Variants in ANP32B observed in about 807,000 individuals in gnomAD.
ANP32B encodes acidic nuclear phosphoprotein 32 family member B.
Under a neutral mutation model 32.2 loss-of-function variants are expected in ANP32B, and 6 were observed. The ratio of observed to expected loss-of-function variants is 0.19; its 90% confidence interval spans 0.10 to 0.37. ANP32B has a LOEUF of 0.37. Among genes scored for constraint, ANP32B ranks in the 10% least tolerant of loss-of-function variants. The pLI is 1.00. For missense variants in ANP32B, 204 were observed against 289.2 expected (o/e 0.71, Z 2.14); for synonymous variants, 98 against 105.8 (o/e 0.93, Z 0.45).
chr9:98,011,007 T>C (rs1033146289), intron 4 of ANP32B, among the ~76,000 whole-genome samples: 3 of 152,204 alleles, frequency 2.0e-5, no homozygotes, highest in Non-Finnish European at 4.4e-5. Context: ...CCACTCCATA[T>C]AATTTTGAAG....
rs368610589 is a variant in ANP32B at position 98,015,661 on chromosome 9, G to A, written c.*230G>A. 49 of 1,211,248 alleles carry A rather than the reference G, an allele frequency of 4.0e-5. No individual in the cohort carries two copies. The highest frequency in any genetic ancestry group is 1.2e-4 in the Admixed American group (3 of 25,572). The allele number at this position is 1,211,248 out of a possible 1,614,324, so 75.0% of individuals were successfully genotyped here. A position where few individuals can be genotyped will look rare whatever the true frequency, so the allele number is the denominator to read the frequency against. ...ACTTCACCCCAACAAAATTGTAAGC[G>A]TTGTTAGGTTTTTGTGTAAGATTCT... On this transcript the variant is annotated 3_prime_UTR_variant, in exon 7 of 7. Transcript: ENST00000339399.
At chr9:98,008,223 G>A (rs117447238) in intron 4 of ANP32B, among the ~76,000 whole-genome samples, 12 of 152,162 alleles carry the variant, frequency 7.9e-5, no homozygotes, top group South Asian at 2.1e-4. Context: ...GAGAACATAC[G>A]ATACTTAGTT....
In ANP32B at chr9:97,999,000, G is replaced by A. The variant is rs899596082; in HGVS notation, c.327+322G>A. Among the ~76,000 whole-genome samples the A allele has an allele frequency of 2.1e-4, 16 of 75,772 alleles. 5 individuals carry two copies. The highest frequency in any genetic ancestry group is 1.6e-3 in the Admixed American group (14 of 8,936). The allele number at this position is 75,772 out of a possible 152,430, so 49.7% of individuals were successfully genotyped here. On this transcript the variant is annotated intron_variant, in intron 3 of 6. Coordinates refer to ENST00000339399, the MANE Select transcript of ANP32B (RefSeq NM_006401.3). ...TTTTTTGTATTTTTAGTAGAGACGG[G>A]GTTTCACCTTGTTAGCCAGGATGGT...
In ANP32B at chr9:97,994,547, G is replaced by T. The variant is rs986087086; in HGVS notation, c.55-84G>T. 1.8e-5 allele frequency: 26 copies of T among 1,421,398 alleles called. No homozygotes were observed. The African/African-American group carries it at 3.5e-4, about 19-fold the overall frequency. The allele number at this position is 1,421,398 out of a possible 1,614,324, so 88.0% of individuals were successfully genotyped here. ...CCTGTATATATGGGTGTTTTTGCAG[G>T]ATATTTATGGTAGAAGTTTCTGCAT... On this transcript the variant is annotated intron_variant, in intron 1 of 6. Coordinates refer to ENST00000339399, the MANE Select transcript of ANP32B (RefSeq NM_006401.3).
chr9:98,015,262 A>T, intron 6 of ANP32B, 102 bp from the exon 7 acceptor site: 2 of 1,489,284 alleles, frequency 1.3e-6, no homozygotes, highest in Non-Finnish European at 1.8e-6. Context: ...ACATTGTTTT[A>T]TCTCCTAACT....
intron 2 of ANP32B, among the ~76,000 whole-genome samples, chr9:97,995,469 TTATTTAAAC>T (rs1200120959): frequency 1.3e-5 from 2 of 152,202 alleles, no homozygotes; most frequent in African/African-American, 4.8e-5. Flanking sequence ...AGTTGTACCT[TTATTTAAAC>T]TAAGGCACAC....
At chr9:97,985,168 C>G (rs1827696041) in intron 1 of ANP32B, among the ~76,000 whole-genome samples, 2 of 151,984 alleles carry the variant, frequency 1.3e-5, no homozygotes, top group African/African-American at 4.8e-5. Flanking sequence ...CGGGGCCTCC[C>G]GACCCGCTCT....
intron 1 of ANP32B, among the ~76,000 whole-genome samples, chr9:97,986,085 T>C (rs1297238663): frequency 6.6e-6 from 1 of 151,922 alleles, no homozygotes; most frequent in South Asian, 2.1e-4. Context: ...CCTCCCAAAG[T>C]GCTGGGATTA....
At chr9:98,015,283 T>G (rs1020703597) in intron 6 of ANP32B, 81 bp from the exon 7 acceptor site, 1 of 1,523,836 alleles carries the variant, frequency 6.6e-7, no homozygotes, top group South Asian at 1.2e-5. Context: ...GTCAAAAACT[T>G]TGTTGTTGTT....
chr9:97,996,061 G>A (rs1364393137), intron 2 of ANP32B, among the ~76,000 whole-genome samples: 4 of 151,846 alleles, frequency 2.6e-5, no homozygotes, highest in East Asian at 3.8e-4. Flanking sequence ...TCAGGTGACC[G>A]TTTCTGATGA....
intron 5 of ANP32B, 55 bp downstream of exon 5, chr9:98,011,444 G>A (rs1828184310): frequency 1.3e-6 from 2 of 1,537,340 alleles, no homozygotes; most frequent in Non-Finnish European, 1.8e-6. Flanking sequence ...ACAAAAGTGG[G>A]GGTTTCAAAA....
At chr9:98,002,520 T>C (rs960957134) in intron 3 of ANP32B, 1 of 152,242 alleles carries the variant, frequency 6.6e-6, no homozygotes, top group African/African-American at 2.4e-5. Context: ...GGATCCTGAA[T>C]AATCTGTGTG....
intron 4 of ANP32B, among the ~76,000 whole-genome samples, chr9:98,007,133 A>G (rs898878803): frequency 5.3e-5 from 8 of 152,232 alleles, no homozygotes; most frequent in Admixed American, 2.6e-4. Context: ...CCACTTCATC[A>G]AATGTGACTG....
At chr9:98,002,852 C>T (rs1828016085) in intron 3 of ANP32B, among the ~76,000 whole-genome samples, 1 of 152,132 alleles carries the variant, frequency 6.6e-6, no homozygotes, top group Non-Finnish European at 1.5e-5. Context: ...TTTTTGTGCA[C>T]CTATTTCTAG....
rs1196277859 is a variant in ANP32B, at chr9:98,015,834, G to C, written c.*403G>C. ...TTTTGGGTCTGTTTTTTCATGCTTT[G>C]CTTTTTAATTATTATTATTATTTTT... On this transcript the variant is annotated 3_prime_UTR_variant, in exon 7 of 7. Coordinates refer to ENST00000339399, the MANE Select transcript of ANP32B (RefSeq NM_006401.3). 2.1e-6 allele frequency: 2 copies of C among 971,398 alleles called. No individual in the cohort carries two copies. The highest frequency in any genetic ancestry group is 3.6e-5 in the African/African-American group (2 of 55,774). The allele number at this position is 971,398 out of a possible 1,614,324, so 60.2% of individuals were successfully genotyped here. A position where few individuals can be genotyped will look rare whatever the true frequency, so the allele number is the denominator to read the frequency against.
chr9:98,013,656 T>C (rs1339434466), intron 6 of ANP32B, among the ~76,000 whole-genome samples: 1 of 152,016 alleles, frequency 6.6e-6, no homozygotes, highest in Non-Finnish European at 1.5e-5. Flanking sequence ...CTCAGCACTT[T>C]AGGAGGCCGA....
At chr9:98,004,547 C>T (rs2131588860) in intron 3 of ANP32B, among the ~76,000 whole-genome samples, 1 of 152,236 alleles carries the variant, frequency 6.6e-6, no homozygotes, top group East Asian at 1.9e-4. Context: ...TGAATTTTTC[C>T]CTATACTGCC....
chr9:97,992,458 A>G (rs1029725705), intron 1 of ANP32B, among the ~76,000 whole-genome samples: 1 of 152,240 alleles, frequency 6.6e-6, no homozygotes, highest in African/African-American at 2.4e-5. Flanking sequence ...CAGTGGTTCA[A>G]GTGGAATTTT....
intron 2 of ANP32B, among the ~76,000 whole-genome samples, chr9:97,997,888 CT>C (rs1827930904): frequency 6.6e-6 from 1 of 152,194 alleles, no homozygotes; most frequent in South Asian, 2.1e-4. Context: ...CTTGCCTGTG[CT>C]ACTTGACCTG....
Sources: allele counts gnomAD v4.1 joint callset (sites outside exome capture counted in the v4.1 genomes callset), GRCh38; gene constraint gnomAD v4.1.1; transcripts MANE v1.5; gene names NCBI Gene and HGNC (gene_info 2026-07-23, HGNC 2026-07-21).